Variants in PRSS23 observed in about 807,000 individuals in gnomAD.
The protein encoded by PRSS23 is protease, serine 23.
A neutral mutation model predicts 34.7 loss-of-function variants in PRSS23; 25 were observed. The observed-to-expected ratio is 0.72, with a 90% CI of 0.53 to 1.01. The LOEUF is 1.01. Ranked by LOEUF, PRSS23 falls within the 50% of genes least tolerant of loss-of-function variation. PRSS23 has a pLI of 0.00. For synonymous variants in PRSS23, 176 were observed against 186.6 expected (o/e 0.94, Z 0.46); for missense variants, 445 against 475.6 (o/e 0.94, Z 0.60).
chr11:86,830,707 G>T (rs960718595), intron 2 of PRSS23, among the ~76,000 whole-genome samples: 1 of 152,088 alleles, frequency 6.6e-6, no homozygotes, highest in Admixed American at 6.5e-5. Context: ...AATATTATTC[G>T]TAATATCCTA....
exon 3 of PRSS23, chr11:86,952,099 A>C: frequency 6.2e-7 from 1 of 1,614,078 alleles, no homozygotes; most frequent in Non-Finnish European, 8.5e-7. Flanking sequence ...TCCAGATATC[A>C]GTGAACTCCT....
intron 2 of PRSS23, chr11:86,836,785 G>A (rs1450187826): frequency 6.6e-6 from 1 of 152,190 alleles, no homozygotes; most frequent in Non-Finnish European, 1.5e-5. Flanking sequence ...TGAGGGTGAT[G>A]GCATGGACTG....
chr11:86,939,851 C>A (rs1031366641), intron 2 of PRSS23, among the ~76,000 whole-genome samples: 1 of 151,010 alleles, frequency 6.6e-6, no homozygotes, highest in African/African-American at 2.4e-5. Context: ...AAATGTTATA[C>A]TGAATTTCTG....
At chr11:86,910,527 C>T (rs1948970253) in intron 2 of PRSS23, 1 of 152,112 alleles carries the variant, frequency 6.6e-6, no homozygotes, top group Non-Finnish European at 1.5e-5. Flanking sequence ...ATATGGTTAA[C>T]TATAAACAAG....
chr11:86,808,426 G>A lies in PRSS23; in HGVS notation c.783G>A (p.Met261Ile), dbSNP rs139206479. The change falls in exon 2 of 2, where the codon ATG (methionine) becomes ATA (isoleucine). Residue 261 changes from methionine (M) to isoleucine (I), a missense_variant. Transcript: ENST00000280258. ...AAAAGCCCCACAAGAGAAAATTTAT[G>A]AAGATTGGGGTGAGCCCTCCTGCTA... ...ELKKPHKRKF[M>I]KIGVSPPAKQ... The A allele has an allele frequency of 8.3e-4, 1,332 of 1,614,222 alleles. 2 individuals carry two copies. The highest frequency in any genetic ancestry group is 1.4e-3 in the Admixed American group (87 of 60,032).
chr11:86,902,751 C>G (rs770341815), intron 2 of PRSS23, among the ~76,000 whole-genome samples: 1 of 152,168 alleles, frequency 6.6e-6, no homozygotes, highest in East Asian at 1.9e-4. Flanking sequence ...TTTTTCTGCT[C>G]TCTGCTAATT....
At chr11:86,852,493 C>T (rs1948537589) in intron 2 of PRSS23, among the ~76,000 whole-genome samples, 1 of 152,082 alleles carries the variant, frequency 6.6e-6, no homozygotes, top group Admixed American at 6.6e-5. Context: ...TCTTTCTTTT[C>T]TTCTTAAAGA....
At chr11:86,909,929 T>C (rs1257341042) in intron 2 of PRSS23, 1 of 152,220 alleles carries the variant, frequency 6.6e-6, no homozygotes, top group Non-Finnish European at 1.5e-5. Flanking sequence ...CATGATTTTA[T>C]TGCACACTCA....
chr11:86,886,500 TC>T (rs1453509947), intron 2 of PRSS23, among the ~76,000 whole-genome samples: 3 of 152,160 alleles, frequency 2.0e-5, no homozygotes. Context: ...CAAATCTGCT[TC>T]TTTTGCTCCC....
rs188253912 is a variant in PRSS23, at chr11:86,906,347, C to T, written c.207-44869C>T. ...GCTGCGGCCTCTCAAAGGCCCCCAC[C>T]AGCGCCACCCTCAGCTCTTCGCCCA... On this transcript the variant is annotated intron_variant, in intron 2 of 2. Coordinates refer to the PRSS23 transcript ENST00000533902. Among the ~76,000 whole-genome samples the T allele has an allele frequency of 4.8e-3, 721 of 149,502 alleles. 11 individuals carry two copies. Among genetic ancestry groups the T allele is most frequent in the African/African-American group, 0.017 (698 of 40,860 alleles).
intron 2 of PRSS23, among the ~76,000 whole-genome samples, chr11:86,838,589 A>G (rs570700997): frequency 2.0e-5 from 3 of 152,152 alleles, no homozygotes; most frequent in Non-Finnish European, 4.4e-5. Flanking sequence ...AGACTTAAAC[A>G]TCCCTGTCTG....
intron 2 of PRSS23, among the ~76,000 whole-genome samples, chr11:86,873,991 T>G (rs1403882952): frequency 6.6e-6 from 1 of 152,182 alleles, no homozygotes; most frequent in Non-Finnish European, 1.5e-5. Context: ...GTGCAAGACA[T>G]AGATTAGGGA....
chr11:86,832,040 A>G (rs1188576029), intron 2 of PRSS23, among the ~76,000 whole-genome samples: 1 of 151,360 alleles, frequency 6.6e-6, no homozygotes, highest in Non-Finnish European at 1.5e-5. Context: ...TATCCGAGGT[A>G]AATGTTACTC....
chr11:86,889,833 TTC>T (rs778387045), intron 2 of PRSS23, among the ~76,000 whole-genome samples: 3 of 152,220 alleles, frequency 2.0e-5, no homozygotes, highest in Non-Finnish European at 2.9e-5. Context: ...CTCCCTTCCC[TTC>T]TTTCTCTGAT....
At chr11:86,944,019 G>A (rs1432379599) in intron 2 of PRSS23, among the ~76,000 whole-genome samples, 2 of 152,072 alleles carry the variant, frequency 1.3e-5, no homozygotes, top group Non-Finnish European at 2.9e-5. Flanking sequence ...GGGATTACAG[G>A]TGTGAGCCAC....
chr11:86,924,940 A>G (rs1280825509), intron 2 of PRSS23: 1 of 152,116 alleles, frequency 6.6e-6, no homozygotes. Flanking sequence ...TCAGTATTTC[A>G]TTCTGTAACA....
intron 2 of PRSS23, among the ~76,000 whole-genome samples, chr11:86,883,721 A>G (rs1325806327): frequency 6.6e-6 from 1 of 152,136 alleles, no homozygotes; most frequent in Non-Finnish European, 1.5e-5. Context: ...TACCTCTATA[A>G]TTTCCCTCCA....
At chr11:86,828,239 T>C (rs1190630461) in intron 2 of PRSS23, among the ~76,000 whole-genome samples, 2 of 152,144 alleles carry the variant, frequency 1.3e-5, no homozygotes, top group African/African-American at 2.4e-5. Flanking sequence ...ATCCCTTTAC[T>C]ATTACGTAAT....
intron 2 of PRSS23, among the ~76,000 whole-genome samples, chr11:86,824,078 A>AG (rs147692726): frequency 0.026 from 3,884 of 149,776 alleles, 71 homozygotes; most frequent in Middle Eastern, 0.062. Flanking sequence ...AAGCCAAAAG[A>AG]GGGCTCTGCC....
Sources: gnomAD v4.1 joint callset for allele counts (sites outside exome capture counted in the v4.1 genomes callset) on GRCh38, gnomAD v4.1.1 for gene constraint, MANE v1.5 for transcripts, NCBI Gene and HGNC (gene_info 2026-07-23, HGNC 2026-07-21) for gene names.